Variants in C4orf51 observed in about 807,000 individuals in gnomAD.
C4orf51 encodes chromosome 4 open reading frame 51.
A neutral mutation model predicts 25.2 loss-of-function variants in C4orf51; 25 were observed. The observed-to-expected ratio is 0.99, with a 90% CI of 0.72 to 1.39. C4orf51 has a LOEUF of 1.39. C4orf51 is among the 40% of genes most tolerant of loss of function. C4orf51 has a pLI of 0.00. For missense variants in C4orf51, 252 were observed against 239.6 expected (o/e 1.05, Z -0.34); for synonymous variants, 100 against 84.5 (o/e 1.18, Z -1.01).
rs900757391 is a variant in C4orf51 at position 145,729,365 on chromosome 4, G to T, written c.427+136G>T. The T allele has an allele frequency of 5.2e-5, 29 of 558,766 alleles. No homozygotes were observed. In the South Asian group the frequency reaches 6.5e-4, roughly 13 times the overall value. 34.6% of individuals were successfully genotyped at this position (558,766 alleles called of 1,614,324 possible). ...CTCCCAGGCTGACGTGCAGTGGCGC[G>T]ATCTCGGCTCACTGCAAGCTCTGCC... On this transcript the variant is annotated intron_variant, in intron 4 of 5. Coordinates refer to ENST00000438731, the MANE Select transcript of C4orf51 (RefSeq NM_001080531.3).
chr4:145,787,625 A>G, the C4orf51 span, among the ~76,000 whole-genome samples: 2 of 152,212 alleles, frequency 1.3e-5, no homozygotes, highest in South Asian at 4.1e-4. Flanking sequence ...AGAATTTTGC[A>G]TTACTACTTT....
chr4:145,785,612 TC>T, the C4orf51 span, among the ~76,000 whole-genome samples: 1 of 152,102 alleles, frequency 6.6e-6, no homozygotes, highest in Admixed American at 6.5e-5. Flanking sequence ...AAATCTTAGT[TC>T]AAGGAGGAAC....
intron 1 of C4orf51, among the ~76,000 whole-genome samples, chr4:145,694,962 G>A (rs1019566647): frequency 1.9e-4 from 29 of 152,250 alleles, no homozygotes; most frequent in African/African-American, 7.0e-4. Context: ...CACTAAAGAC[G>A]ATAAGAAAGT....
At chr4:145,714,829 C>T (rs1487090479) in intron 2 of C4orf51, among the ~76,000 whole-genome samples, 1 of 152,200 alleles carries the variant, frequency 6.6e-6, no homozygotes, top group Non-Finnish European at 1.5e-5. Context: ...GTCAGCTCAG[C>T]TGGGTATTTG....
intron 1 of C4orf51, among the ~76,000 whole-genome samples, chr4:145,738,422 C>A (rs1182854869): frequency 6.7e-6 from 1 of 149,888 alleles, no homozygotes; most frequent in Non-Finnish European, 1.5e-5. Context: ...TGCACTCCAG[C>A]CTGGGCGACA....
the C4orf51 span, among the ~76,000 whole-genome samples, chr4:145,789,004 G>C: frequency 2.0e-5 from 3 of 152,182 alleles, no homozygotes; most frequent in African/African-American, 7.2e-5. Context: ...TGCTATTAGA[G>C]GCTGGTCATG....
intron 1 of C4orf51, among the ~76,000 whole-genome samples, chr4:145,739,640 T>C (rs887306155): frequency 3.9e-5 from 6 of 152,354 alleles, no homozygotes; most frequent in Admixed American, 1.3e-4. Flanking sequence ...TTTAAAAGTA[T>C]AAGGACAATA....
At chr4:145,772,483 A>T (rs1306789512), downstream of C4orf51, among the ~76,000 whole-genome samples, 1 of 152,224 alleles carries the variant, frequency 6.6e-6, no homozygotes, top group East Asian at 1.9e-4. Flanking sequence ...GGGGGTCAGC[A>T]AACTACAGTC....
At chr4:145,754,967 A>C (rs1733860674), downstream of C4orf51, among the ~76,000 whole-genome samples, 1 of 152,126 alleles carries the variant, frequency 6.6e-6, no homozygotes, top group Admixed American at 6.5e-5. Context: ...AAAACTTTAG[A>C]TCTCCCAACC....
chr4:145,771,062 TGAATTGA>T (rs2126914656), downstream of C4orf51: 1 of 152,366 alleles, frequency 6.6e-6, no homozygotes, highest in East Asian at 1.9e-4. Flanking sequence ...TCCTTCATTG[TGAATTGA>T]CTGCTCATGT....
intron 1 of C4orf51, chr4:145,760,738 GTC>G: frequency 1.7e-5 from 7 of 406,320 alleles, no homozygotes; most frequent in Admixed American, 1.2e-4. Context: ...TTTTTTTTTT[GTC>G]TTTTGTCTCT....
chr4:145,713,495 A>G (rs1731240089), intron 2 of C4orf51, among the ~76,000 whole-genome samples: 1 of 152,236 alleles, frequency 6.6e-6, no homozygotes, highest in Non-Finnish European at 1.5e-5. Flanking sequence ...TAGAAGTAGC[A>G]AGAGAACTAG....
At chr4:145,745,268 A>T (rs1733306943) in intron 1 of C4orf51, among the ~76,000 whole-genome samples, 1 of 151,702 alleles carries the variant, frequency 6.6e-6, no homozygotes, top group African/African-American at 2.4e-5. Context: ...TTAGATTATC[A>T]TCGACTATAA....
chr4:145,688,705 C>G (rs572076440), intron 1 of C4orf51, among the ~76,000 whole-genome samples: 2 of 152,260 alleles, frequency 1.3e-5, no homozygotes, highest in East Asian at 3.9e-4. Context: ...CAGGTAGTAT[C>G]TTTATAGCAG....
downstream of C4orf51, chr4:145,774,820 ATTC>A (rs1736807008): frequency 2.1e-6 from 2 of 933,866 alleles, no homozygotes. Flanking sequence ...GCATTAGAAA[ATTC>A]TTCTGCTTTC....
intron 2 of C4orf51, among the ~76,000 whole-genome samples, chr4:145,697,152 T>G (rs1578943468): frequency 6.7e-6 from 1 of 149,610 alleles, no homozygotes; most frequent in African/African-American, 2.5e-5. Context: ...CAGGCTGGAG[T>G]GCAGTGGTGC....
intron 2 of C4orf51, among the ~76,000 whole-genome samples, chr4:145,712,145 G>A (rs1466155840): frequency 6.6e-6 from 1 of 151,822 alleles, no homozygotes; most frequent in African/African-American, 2.4e-5. Context: ...TCCTCCCCTT[G>A]GGCCCCCCAC....
the C4orf51 span, chr4:145,779,381 C>T: frequency 6.2e-7 from 1 of 1,613,928 alleles, no homozygotes; most frequent in South Asian, 1.1e-5. Context: ...CACCTGTGTG[C>T]AGCGAGAGGT....
chr4:145,700,605 C>A (rs1730371669), intron 2 of C4orf51, among the ~76,000 whole-genome samples: 2 of 152,138 alleles, frequency 1.3e-5, no homozygotes, highest in Non-Finnish European at 2.9e-5. Context: ...GTAAAATAGG[C>A]AAATGGTCTG....
Sources: gnomAD v4.1 joint callset for allele counts (sites outside exome capture counted in the v4.1 genomes callset) on GRCh38, gnomAD v4.1.1 for gene constraint, MANE v1.5 for transcripts, NCBI Gene and HGNC (gene_info 2026-07-23, HGNC 2026-07-21) for gene names.